DYSF: variants seen among roughly 807,000 people sequenced by gnomAD.
The protein encoded by DYSF is dysferlin.
Under a neutral mutation model 274.9 loss-of-function variants are expected in DYSF, and 212 were observed. The ratio of observed to expected loss-of-function variants is 0.77; its 90% confidence interval spans 0.69 to 0.86. DYSF has a LOEUF of 0.86. Among genes scored for constraint, DYSF ranks in the 40% least tolerant of loss-of-function variants. DYSF has a pLI of 0.00. For missense variants in DYSF, 2,666 were observed against 2,783.2 expected, an observed-to-expected ratio of 0.96 and a Z score of 0.95; for synonymous variants, 1,091 against 1,078.7, an observed-to-expected ratio of 1.01 and a Z score of -0.22.
intron 15 of DYSF, 37 bp from the exon 16 acceptor site, chr2:71,535,231 G>A: frequency 6.2e-7 from 1 of 1,610,600 alleles, no homozygotes; most frequent in Non-Finnish European, 8.5e-7. Context: ...ATCTTCAAAA[G>A]GACTCTTCTC....
chr2:71,522,785 G>A lies in DYSF; in HGVS notation c.1149+1881G>A, dbSNP rs144419801. 4.9e-3 allele frequency among the ~76,000 whole-genome samples: 743 copies of A among 152,128 alleles called. 3 individuals are homozygous for A. Among genetic ancestry groups the A allele is most frequent in the African/African-American group, 0.017 (695 of 41,512 alleles). ...ACTCCCCACACCTGTTCCCCATCCC[G>A]TATTAGGTGACATCTTAGGAAATTG... On this transcript the variant is annotated intron_variant, in intron 12 of 55. Coordinates refer to ENST00000410020, the MANE Select transcript of DYSF (RefSeq NM_001130987.2).
At chr2:71,648,405 A>G (rs975589067) in intron 42 of DYSF, among the ~76,000 whole-genome samples, 18 of 152,220 alleles carry the variant, frequency 1.2e-4, no homozygotes, top group Admixed American at 8.5e-4. Context: ...GACAGAAACT[A>G]TAAAAGTAAG....
chr2:71,560,423 G>GGCCCAGGCC (rs1553548274), intron 22 of DYSF, among the ~76,000 whole-genome samples: 2 of 149,876 alleles, frequency 1.3e-5, no homozygotes, highest in Non-Finnish European at 3.0e-5. Context: ...GCAGGCCCCC[G>GGCCCAGGCC]CCCCGCTACC....
At chr2:71,492,221 C>G (rs2083914533) in intron 3 of DYSF, among the ~76,000 whole-genome samples, 1 of 152,208 alleles carries the variant, frequency 6.6e-6, no homozygotes. Context: ...CCTGGGGAAT[C>G]AGATACTGGC....
At chr2:71,482,001 C>T (rs78958249) in intron 3 of DYSF, 31 bp downstream of exon 3, 1 of 1,570,566 alleles carries the variant, frequency 6.4e-7, no homozygotes, top group Admixed American at 1.7e-5. Flanking sequence ...TGCTCCATGG[C>T]TTGAAGGTGC....
intron 3 of DYSF, among the ~76,000 whole-genome samples, chr2:71,492,624 A>G (rs946051799): frequency 2.0e-5 from 3 of 151,908 alleles, no homozygotes; most frequent in Non-Finnish European, 2.9e-5. Context: ...TTACTCAGAT[A>G]TACTTATTCA....
At chr2:71,543,212 C>A (rs1421325813) in intron 17 of DYSF, among the ~76,000 whole-genome samples, 4 of 38,096 alleles carry the variant, frequency 1.0e-4, no homozygotes, top group African/African-American at 2.3e-4. Context: ...ACGCTCCTCA[C>A]CTCCCAGACG....
chr2:71,554,007 C>T, intron 21 of DYSF, 76 bp downstream of exon 21: 3 of 1,602,788 alleles, frequency 1.9e-6, no homozygotes, highest in Non-Finnish European at 2.6e-6. Flanking sequence ...GTGTCTCAGA[C>T]CACCACCCAC....
In DYSF at chr2:71,657,482, A is replaced by T. The variant is rs1478183352; in HGVS notation, c.4755+1192A>T. Among the ~76,000 whole-genome samples, 7 of 152,024 alleles carry T rather than the reference A, an allele frequency of 4.6e-5. No homozygotes were observed. In the East Asian group the frequency reaches 1.4e-3, roughly 29 times the overall value. On this transcript the variant is annotated intron_variant, in intron 43 of 55. Transcript: ENST00000410020. ...CACAGCTCTACTAGCAGTGCCCCAG[A>T]TGTGGGGCATCAGAGCCCCCACATT...
Position 71,568,053 on chromosome 2 carries a change from G to A in DYSF, c.2668G>A (p.Glu890Lys), listed in dbSNP as rs200049922. 9.6e-5 allele frequency: 155 copies of A among 1,614,080 alleles called. No homozygotes were observed. Among genetic ancestry groups the A allele is most frequent in the Admixed American group, 7.3e-4 (44 of 60,008 alleles). Residue 890 changes from glutamate to lysine, a missense_variant, in exon 25 of 56, where the codon GAG becomes AAG. By Grantham distance (56) the Glu-to-Lys change is moderately conservative (BLOSUM62 1). This residue lies in a region of DYSF where 412 missense variants were observed against 504.0 expected (regional missense o/e 0.82). Transcript: ENST00000410020. ...TGAGAAGGAGTTCAACCAGTTTGCT[G>A]AGGGGAAGCTGTCTGTCTTTGCTGA... The part of the protein sequence containing the change: ...VDEKEFNQFA[E>K]GKLSVFAETY...
At chr2:71,514,457 T>C (rs1290622259) in intron 7 of DYSF, among the ~76,000 whole-genome samples, 5 of 152,224 alleles carry the variant, frequency 3.3e-5, no homozygotes, top group Non-Finnish European at 7.3e-5. Flanking sequence ...CTGAGAGTCA[T>C]GTGGAATTTG....
At chr2:71,519,517 A>G (rs918394786) in intron 10 of DYSF, among the ~76,000 whole-genome samples, 1 of 152,182 alleles carries the variant, frequency 6.6e-6, no homozygotes, top group African/African-American at 2.4e-5. Context: ...CTTCCCCACT[A>G]TCATCATCCC....
intron 1 of DYSF, among the ~76,000 whole-genome samples, chr2:71,467,654 G>A (rs975524638): frequency 6.6e-6 from 1 of 152,138 alleles, no homozygotes; most frequent in Non-Finnish European, 1.5e-5. Context: ...TGTCTCAGGA[G>A]GGGAAAGGGA....
intron 1 of DYSF, among the ~76,000 whole-genome samples, chr2:71,472,076 G>C (rs887421474): frequency 6.6e-6 from 1 of 152,078 alleles, no homozygotes; most frequent in African/African-American, 2.4e-5. Flanking sequence ...TTATATGGAT[G>C]CACCATCATT....
chr2:71,673,472 TG>T (rs1208413776), intron 51 of DYSF, among the ~76,000 whole-genome samples: 5 of 152,130 alleles, frequency 3.3e-5, no homozygotes, highest in African/African-American at 1.2e-4. Flanking sequence ...GGCTTTGCCC[TG>T]GGTCAAGCTC....
At chr2:71,618,802 T>A (rs2094015878) in intron 40 of DYSF, among the ~76,000 whole-genome samples, 1 of 151,368 alleles carries the variant, frequency 6.6e-6, no homozygotes, top group Non-Finnish European at 1.5e-5. Context: ...GAGCGTGGGG[T>A]GCCAGCAGGA....
At chr2:71,554,339 C>T (rs931818161) in intron 21 of DYSF, among the ~76,000 whole-genome samples, 2 of 152,244 alleles carry the variant, frequency 1.3e-5, no homozygotes, top group African/African-American at 2.4e-5. Flanking sequence ...AAGCAGTTGG[C>T]TCTGTCTTCA....
At chr2:71,604,363 A>C (rs945799829) in intron 36 of DYSF, among the ~76,000 whole-genome samples, 6 of 151,618 alleles carry the variant, frequency 4.0e-5, no homozygotes, top group Non-Finnish European at 5.9e-5. Context: ...GGACCGCAGC[A>C]GGGTGTTTCT....
In DYSF at chr2:71,598,625, C is replaced by T. The variant is rs2093464023; in HGVS notation, c.3636C>T (p.Thr1212=). 1 of 1,614,146 alleles carries T rather than the reference C, an allele frequency of 6.2e-7. No homozygotes were observed. Among genetic ancestry groups the T allele is most frequent in the Non-Finnish European group, 8.5e-7 (1 of 1,180,034 alleles). Residue 1212 remains threonine (T), a synonymous_variant, in exon 33 of 56, where the codon ACC becomes ACT. Transcript: ENST00000410020. ...QSQKTVVVKN[T]LNPTWDQTLI... ...AGAAGACGGTGGTGGTGAAGAACAC[C>T]CTTAACCCCACCTGGGACCAGACGC...
Sources: gnomAD v4.1 joint callset for allele counts (sites outside exome capture counted in the v4.1 genomes callset) on GRCh38, gnomAD v4.1.1 for gene constraint, gnomAD v4.1.1 regional missense constraint, MANE v1.5 for transcripts, NCBI Gene and HGNC (gene_info 2026-07-23, HGNC 2026-07-21) for gene names.